Variants in SGCD observed in about 807,000 individuals in gnomAD.
SGCD encodes delta-sarcoglycan.
In SGCD, 18 loss-of-function variants were observed where a neutral mutation model predicts 36.6. The ratio of observed to expected loss-of-function variants is 0.49; its 90% confidence interval spans 0.34 to 0.73. The LOEUF is 0.73. SGCD is among the 30% of genes least tolerant of loss of function. SGCD has a pLI of 0.01. For synonymous variants in SGCD, 133 were observed against 130.6 expected (o/e 1.02, Z -0.12); for missense variants, 387 against 346.7 (o/e 1.12, Z -0.92).
At chr5:156,435,539 A>C (rs1753205607) in intron 3 of SGCD, among the ~76,000 whole-genome samples, 1 of 152,202 alleles carries the variant, frequency 6.6e-6, no homozygotes, top group African/African-American at 2.4e-5. Flanking sequence ...AAGTGCTAGA[A>C]GTAATAAGTG....
intron 4 of SGCD, among the ~76,000 whole-genome samples, chr5:156,588,175 T>G (rs1760574038): frequency 6.6e-6 from 1 of 152,000 alleles, no homozygotes; most frequent in African/African-American, 2.4e-5. Flanking sequence ...AACCAAGTGT[T>G]AGCACGCAGT....
At chr5:155,961,558 A>G (rs972266407) in intron 1 of SGCD, among the ~76,000 whole-genome samples, 1 of 152,142 alleles carries the variant, frequency 6.6e-6, no homozygotes, top group African/African-American at 2.4e-5. Flanking sequence ...TCATTGCTGA[A>G]GACTAGTGAA....
chr5:156,054,765 A>C (rs936009605), intron 1 of SGCD, among the ~76,000 whole-genome samples: 2 of 146,430 alleles, frequency 1.4e-5, no homozygotes, highest in Admixed American at 6.8e-5. Context: ...TTTGTTTGTC[A>C]GGCTAATATT....
chr5:156,218,908 G>A (rs1395572740), intron 3 of SGCD, among the ~76,000 whole-genome samples: 2 of 151,876 alleles, frequency 1.3e-5, no homozygotes, highest in Non-Finnish European at 2.9e-5. Context: ...CATTCCATAG[G>A]AGGCCTAGTA....
At position 156,284,645 on chromosome 5, in the gene SGCD, A is replaced by G. The variant is rs1292422996; in HGVS notation, c.-43-44889A>G. Among the ~76,000 whole-genome samples, 4 of 152,310 alleles carry G rather than the reference A, an allele frequency of 2.6e-5. No homozygotes were observed. The South Asian group carries it at 6.2e-4, about 24-fold the overall frequency. On this transcript the variant is annotated intron_variant, in intron 3 of 9. Coordinates refer to the SGCD transcript ENST00000517913. ...CAGCCCTTCATGCTAAAAACTCTCA[A>G]TAAATTAGGTATTGATGGGATGTAT...
chr5:156,422,845 G>C (rs1773381826), intron 3 of SGCD, among the ~76,000 whole-genome samples: 1 of 151,850 alleles, frequency 6.6e-6, no homozygotes, highest in Non-Finnish European at 1.5e-5. Context: ...TTGTTCCCTT[G>C]TCCCAGTTGA....
At chr5:156,613,940 G>C (rs1761929448) in intron 6 of SGCD, among the ~76,000 whole-genome samples, 1 of 151,920 alleles carries the variant, frequency 6.6e-6, no homozygotes, top group South Asian at 2.1e-4. Flanking sequence ...GGAGGGTACA[G>C]GCTGGCTGGC....
chr5:156,452,067 T>C (rs905020004), intron 3 of SGCD, among the ~76,000 whole-genome samples: 24 of 152,144 alleles, frequency 1.6e-4, no homozygotes, highest in Non-Finnish European at 2.4e-4. Flanking sequence ...AGGCAATCCA[T>C]TCCAGGCAGT....
intron 4 of SGCD, among the ~76,000 whole-genome samples, chr5:156,524,474 GTA>G: frequency 6.6e-6 from 1 of 150,872 alleles, no homozygotes; most frequent in East Asian, 2.0e-4. Context: ...GGTAAAAATT[GTA>G]TATATATTTA....
intron 7 of SGCD, among the ~76,000 whole-genome samples, chr5:156,755,450 GC>G (rs1174928810): frequency 1.3e-5 from 2 of 151,926 alleles, no homozygotes; most frequent in African/African-American, 4.8e-5. Context: ...ACAGAGAATG[GC>G]AAAAAAAACC....
intron 1 of SGCD, among the ~76,000 whole-genome samples, chr5:156,329,308 A>C (rs1767958975): frequency 6.6e-6 from 1 of 152,218 alleles, no homozygotes; most frequent in Non-Finnish European, 1.5e-5. Flanking sequence ...GCCACCAGGC[A>C]CTGATTTGTT....
At chr5:156,366,092 A>C (rs538617729) in intron 3 of SGCD, among the ~76,000 whole-genome samples, 1 of 152,230 alleles carries the variant, frequency 6.6e-6, no homozygotes, top group Admixed American at 6.5e-5. Flanking sequence ...AATGAAGGCA[A>C]CTTTGCAAAT....
At chr5:156,676,812 C>T (rs147131058) in intron 7 of SGCD, among the ~76,000 whole-genome samples, 4 of 152,274 alleles carry the variant, frequency 2.6e-5, no homozygotes, top group African/African-American at 7.2e-5. Context: ...AAATACCACC[C>T]AACTGAATGC....
At chr5:155,999,523 C>A (rs1451559459) in intron 1 of SGCD, among the ~76,000 whole-genome samples, 3 of 152,276 alleles carry the variant, frequency 2.0e-5, no homozygotes, top group African/African-American at 7.2e-5. Context: ...CTGTGTCAGG[C>A]TTTTTGCTGG....
intron 6 of SGCD, among the ~76,000 whole-genome samples, chr5:156,641,608 G>A (rs1581314514): frequency 1.3e-5 from 2 of 152,262 alleles, no homozygotes; most frequent in South Asian, 2.1e-4. Context: ...AATTTCTATT[G>A]TGACTTAAAT....
intron 3 of SGCD, among the ~76,000 whole-genome samples, chr5:156,309,687 T>C (rs1767338472): frequency 6.6e-6 from 1 of 150,878 alleles, no homozygotes; most frequent in Non-Finnish European, 1.5e-5. Context: ...GGGGTTTCAC[T>C]ATGTTGGTCA....
chr5:156,422,373 C>T (rs1318572547), intron 3 of SGCD, among the ~76,000 whole-genome samples: 1 of 151,832 alleles, frequency 6.6e-6, no homozygotes, highest in Non-Finnish European at 1.5e-5. Context: ...ACTCTTCTTT[C>T]TCACACGTCA....
intron 3 of SGCD, among the ~76,000 whole-genome samples, chr5:156,354,764 A>T (rs1179111653): frequency 6.6e-6 from 1 of 152,136 alleles, no homozygotes; most frequent in African/African-American, 2.4e-5. Flanking sequence ...ATGCTGACTG[A>T]GTTATTAAGC....
intron 3 of SGCD, among the ~76,000 whole-genome samples, chr5:156,240,139 T>A (rs1329887076): frequency 6.6e-6 from 1 of 152,158 alleles, no homozygotes; most frequent in Non-Finnish European, 1.5e-5. Flanking sequence ...CTTTTTAACA[T>A]GGTAGAATTA....
Sources: gnomAD v4.1 joint callset for allele counts (sites outside exome capture counted in the v4.1 genomes callset) on GRCh38, gnomAD v4.1.1 for gene constraint, MANE v1.5 for transcripts, NCBI Gene and HGNC (gene_info 2026-07-23, HGNC 2026-07-21) for gene names.